XKR9: variants seen among roughly 807,000 people sequenced by gnomAD.
XKR9 encodes XK related 9.
A neutral mutation model predicts 32.0 loss-of-function variants in XKR9; 32 were observed. The ratio of observed to expected loss-of-function variants is 1.00; its 90% CI spans 0.76 to 1.34. XKR9 has a LOEUF of 1.34. Ranked by LOEUF, XKR9 falls within the 40% of genes most tolerant of loss-of-function variation. The pLI is 0.00. For missense variants in XKR9, 546 were observed against 429.7 expected (o/e 1.27, Z -2.39); for synonymous variants, 168 against 143.4 (o/e 1.17, Z -1.22).
chr8:71,047,310 C>T, the XKR9 span, among the ~76,000 whole-genome samples: 5 of 152,226 alleles, frequency 3.3e-5, no homozygotes, highest in Non-Finnish European at 4.4e-5. Flanking sequence ...ATTATAGACT[C>T]TGAAGACCAT....
chr8:70,740,119 T>C (rs1488473047), downstream of XKR9, among the ~76,000 whole-genome samples: 1 of 152,214 alleles, frequency 6.6e-6, no homozygotes, highest in Non-Finnish European at 1.5e-5. Context: ...CAGATGTAGA[T>C]TTGGTCTTTT....
the XKR9 span, among the ~76,000 whole-genome samples, chr8:70,982,186 G>T: frequency 2.0e-5 from 3 of 152,218 alleles, no homozygotes; most frequent in Non-Finnish European, 4.4e-5. Flanking sequence ...ATGCAAACTT[G>T]CCCTAGGGAT....
the XKR9 span, among the ~76,000 whole-genome samples, chr8:70,850,485 G>GAA: frequency 7.2e-4 from 89 of 123,486 alleles, 1 homozygote; most frequent in African/African-American, 1.7e-3. Flanking sequence ...AAAAAAAAAA[G>GAA]AAAGAAAATT....
the XKR9 span, among the ~76,000 whole-genome samples, chr8:70,874,952 C>T: frequency 3.3e-5 from 5 of 152,116 alleles, no homozygotes; most frequent in African/African-American, 1.2e-4. Context: ...GTTCTGCCTT[C>T]GGTCACATGC....
At chr8:70,817,936 A>G in the XKR9 span, among the ~76,000 whole-genome samples, 2 of 152,188 alleles carry the variant, frequency 1.3e-5, no homozygotes, top group African/African-American at 2.4e-5. Flanking sequence ...CTGGATCTCT[A>G]TCTTTCACCA....
chr8:70,744,518 C>T (rs1266900907), intron 2 of XKR9, among the ~76,000 whole-genome samples: 2 of 152,164 alleles, frequency 1.3e-5, no homozygotes, highest in African/African-American at 4.8e-5. Context: ...CAGGCTTTTT[C>T]ACCTCAAATC....
At chr8:70,833,926 G>A in the XKR9 span, among the ~76,000 whole-genome samples, 1 of 152,058 alleles carries the variant, frequency 6.6e-6, no homozygotes, top group South Asian at 2.1e-4. Flanking sequence ...ATTTATTTAA[G>A]TGAAATAAAA....
At chr8:70,961,521 T>C in the XKR9 span, among the ~76,000 whole-genome samples, 1 of 152,212 alleles carries the variant, frequency 6.6e-6, no homozygotes, top group Non-Finnish European at 1.5e-5. Context: ...ACCAAGTCTT[T>C]TTTTGTCTAT....
chr8:70,919,146 T>C, the XKR9 span, among the ~76,000 whole-genome samples: 1 of 152,174 alleles, frequency 6.6e-6, no homozygotes, highest in Non-Finnish European at 1.5e-5. Flanking sequence ...ATCAGACATT[T>C]ACATTTCGAC....
chr8:70,951,894 ACC>A, the XKR9 span, among the ~76,000 whole-genome samples: 1 of 151,128 alleles, frequency 6.6e-6, no homozygotes, highest in Admixed American at 6.6e-5. Context: ...TCCTTGTAGG[ACC>A]CCCCCAGTGC....
At chr8:70,833,816 C>G in the XKR9 span, among the ~76,000 whole-genome samples, 1 of 152,018 alleles carries the variant, frequency 6.6e-6, no homozygotes, top group Non-Finnish European at 1.5e-5. Flanking sequence ...TTCCTATATT[C>G]TTTTAAATGT....
the XKR9 span, among the ~76,000 whole-genome samples, chr8:70,905,870 T>G: frequency 5.3e-5 from 8 of 152,248 alleles, no homozygotes; most frequent in Non-Finnish European, 8.8e-5. Flanking sequence ...GCTGCAGGTC[T>G]GTTGGAGTTT....
chr8:71,037,048 A>C, the XKR9 span, among the ~76,000 whole-genome samples: 2 of 152,036 alleles, frequency 1.3e-5, no homozygotes, highest in African/African-American at 4.8e-5. Flanking sequence ...TGTGTTACTG[A>C]TAATCAAGGG....
downstream of XKR9, among the ~76,000 whole-genome samples, chr8:70,736,900 G>A (rs533202618): frequency 8.5e-5 from 13 of 152,060 alleles, no homozygotes; most frequent in African/African-American, 1.2e-4. Flanking sequence ...GTCAGGTAGC[G>A]TGATGCCTCC....
chr8:70,880,593 A>G, the XKR9 span, among the ~76,000 whole-genome samples: 7 of 152,100 alleles, frequency 4.6e-5, no homozygotes, highest in Non-Finnish European at 1.0e-4. Context: ...TCAGGAGAAC[A>G]ACAAACCACT....
the XKR9 span, among the ~76,000 whole-genome samples, chr8:70,974,903 G>A: frequency 6.6e-6 from 1 of 152,280 alleles, no homozygotes; most frequent in East Asian, 1.9e-4. Flanking sequence ...AGTATCTGTT[G>A]CTTCCTCACT....
At chr8:70,715,430 G>T (rs1806056438) in intron 4 of XKR9, among the ~76,000 whole-genome samples, 1 of 152,126 alleles carries the variant, frequency 6.6e-6, no homozygotes, top group Non-Finnish European at 1.5e-5. Context: ...ATAGGGCTTT[G>T]CTAGGCTTGG....
the XKR9 span, among the ~76,000 whole-genome samples, chr8:70,795,388 G>A: frequency 6.6e-6 from 1 of 152,132 alleles, no homozygotes. Context: ...TGGGTATTTA[G>A]GTTGATTCCA....
chr8:71,032,749 C>A, the XKR9 span, among the ~76,000 whole-genome samples: 1 of 152,148 alleles, frequency 6.6e-6, no homozygotes, highest in Non-Finnish European at 1.5e-5. Context: ...TATGAGACTA[C>A]AAGAACAACC....
Sources: gnomAD v4.1 joint callset for allele counts (sites outside exome capture counted in the v4.1 genomes callset) on GRCh38, gnomAD v4.1.1 for gene constraint, MANE v1.5 for transcripts, NCBI Gene and HGNC (gene_info 2026-07-23, HGNC 2026-07-21) for gene names.